HDAC9: variants seen among roughly 807,000 people sequenced by gnomAD.
HDAC9 encodes histone deacetylase 9, also known as MEF-2 interacting transcription repressor (MITR) protein.
Under a neutral mutation model 139.4 loss-of-function variants are expected in HDAC9, and 41 were observed. That is an observed-to-expected ratio of 0.29 (90% CI 0.23 to 0.38). The LOEUF (loss-of-function observed/expected upper bound fraction) is 0.38. Ranked by LOEUF, HDAC9 falls within the 10% of genes least tolerant of loss-of-function variation. The pLI, the probability that HDAC9 is intolerant of heterozygous loss-of-function variation, is 1.00. For missense variants in HDAC9, 1,147 were observed against 1,297.0 expected (o/e 0.88, Z 1.78); for synonymous variants, 517 against 476.2 (o/e 1.09, Z -1.12).
At chr7:18,383,918 T>C (rs1167780923) in intron 1 of HDAC9, among the ~76,000 whole-genome samples, 1 of 151,022 alleles carries the variant, frequency 6.6e-6, no homozygotes, top group African/African-American at 2.4e-5. Flanking sequence ...AAGAAAGAAC[T>C]GATGAAATTA....
chr7:18,667,406 G>A, intron 12 of HDAC9: 1 of 983,282 alleles, frequency 1.0e-6, no homozygotes, highest in Non-Finnish European at 1.2e-6. Flanking sequence ...AATCTCTTAA[G>A]TATAATTCCA....
chr7:18,910,059 C>T (rs894217403), intron 22 of HDAC9, among the ~76,000 whole-genome samples: 4 of 151,688 alleles, frequency 2.6e-5, no homozygotes, highest in African/African-American at 7.3e-5. Flanking sequence ...TGTTGAAGTC[C>T]CCAACTATTG....
rs35338088 is a variant in HDAC9 at position 18,743,606 on chromosome 7, CA to C, written c.1910-5384del. The stretch of plus-strand genomic sequence containing the variant: ...TGGGCAACAGAGTGAGACTGCGTCT[CA>C]AAAAAAAAAAAAAATTGCAGATAGT... On this transcript the variant is annotated intron_variant, in intron 13 of 25. Transcript: ENST00000686413. Among the ~76,000 whole-genome samples, 394 of 117,154 alleles carry C rather than the reference CA, an allele frequency of 3.4e-3. 2 individuals are homozygous for C. The highest frequency in any genetic ancestry group is 7.4e-3 in the African/African-American group (218 of 29,330). 76.9% of individuals were successfully genotyped at this position (117,154 alleles called of 152,430 possible). A position where few individuals can be genotyped will look rare whatever the true frequency, so the allele number is the denominator to read the frequency against.
At chr7:18,678,812 T>C (rs1486438188) in intron 12 of HDAC9, among the ~76,000 whole-genome samples, 1 of 151,982 alleles carries the variant, frequency 6.6e-6, no homozygotes, top group African/African-American at 2.4e-5. Context: ...CTAGTAAATT[T>C]CCATTCAATG....
At chr7:18,645,983 G>A (rs1787262586) in intron 9 of HDAC9, among the ~76,000 whole-genome samples, 2 of 152,018 alleles carry the variant, frequency 1.3e-5, no homozygotes, top group African/African-American at 4.8e-5. Flanking sequence ...TATATCTGGG[G>A]ATTATAAAAG....
intron 1 of HDAC9, among the ~76,000 whole-genome samples, chr7:18,370,688 A>G (rs769093681): frequency 3.3e-5 from 5 of 152,160 alleles, no homozygotes; most frequent in Non-Finnish European, 7.4e-5. Context: ...TGCTAGCAAT[A>G]TACTGGATTC....
chr7:18,643,772 G>T (rs1331654858), intron 8 of HDAC9, among the ~76,000 whole-genome samples: 1 of 151,986 alleles, frequency 6.6e-6, no homozygotes, highest in Non-Finnish European at 1.5e-5. Flanking sequence ...CTTTTTGTTT[G>T]GGAAGAAAGC....
intron 12 of HDAC9, among the ~76,000 whole-genome samples, chr7:18,679,016 C>T (rs1781708863): frequency 6.6e-6 from 1 of 151,832 alleles, no homozygotes; most frequent in Non-Finnish European, 1.5e-5. Context: ...TCAATCTTAG[C>T]CTAGGACCCT....
intron 12 of HDAC9, among the ~76,000 whole-genome samples, chr7:18,693,159 TA>T (rs1782792623): frequency 6.6e-6 from 1 of 152,024 alleles, no homozygotes; most frequent in Admixed American, 6.6e-5. Flanking sequence ...TAGATATTAT[TA>T]AAGTCCTGGG....
chr7:18,201,445 A>G (rs1191652776), intron 2 of HDAC9, among the ~76,000 whole-genome samples: 7 of 152,222 alleles, frequency 4.6e-5, no homozygotes, highest in African/African-American at 1.7e-4. Flanking sequence ...GGTGGAAGCC[A>G]GCTTCTTATG....
intron 2 of HDAC9, among the ~76,000 whole-genome samples, chr7:18,215,687 C>A (rs1227259206): frequency 2.6e-5 from 4 of 152,080 alleles, no homozygotes; most frequent in African/African-American, 9.7e-5. Context: ...AATAGTGGGG[C>A]TTTTGAAGGT....
Position 18,868,262 on chromosome 7 carries a change from G to C in HDAC9, c.2685-6216G>C, listed in dbSNP as rs544982929. 3.3e-5 allele frequency among the ~76,000 whole-genome samples: 5 copies of C among 152,274 alleles called. No individual in the cohort carries two copies. In the South Asian group the frequency reaches 1.0e-3, roughly 32 times the overall value. On this transcript the variant is annotated intron_variant, in intron 21 of 25. Coordinates refer to ENST00000686413, the MANE Select transcript of HDAC9 (RefSeq NM_178425.4). The stretch of plus-strand genomic sequence containing the variant: ...GTGTGGACTGTCAAACCCCACTTTA[G>C]TGTTAGCATTCTAGAAGATAGCAGC...
intron 2 of HDAC9, among the ~76,000 whole-genome samples, chr7:18,275,694 A>G (rs913257122): frequency 3.3e-5 from 5 of 152,108 alleles, no homozygotes; most frequent in Non-Finnish European, 7.4e-5. Flanking sequence ...TGCATGGTCA[A>G]GTACCTTTAT....
chr7:18,835,088 A>G (rs1429878517), intron 19 of HDAC9, among the ~76,000 whole-genome samples: 1 of 152,204 alleles, frequency 6.6e-6, no homozygotes, highest in African/African-American at 2.4e-5. Context: ...AAATTCCTCC[A>G]TAAAACAGGA....
chr7:18,130,837 G>T (rs776727304), intron 1 of HDAC9, among the ~76,000 whole-genome samples: 3 of 151,992 alleles, frequency 2.0e-5, no homozygotes, highest in Non-Finnish European at 2.9e-5. Context: ...CCGCAGTTAT[G>T]GACTTTTTTT....
intron 1 of HDAC9, among the ~76,000 whole-genome samples, chr7:18,441,467 A>G (rs1791752393): frequency 6.6e-6 from 1 of 152,236 alleles, no homozygotes; most frequent in Admixed American, 6.5e-5. Flanking sequence ...ATACACACAT[A>G]TAAGCACATT....
chr7:18,807,447 A>G (rs900938662), intron 17 of HDAC9, among the ~76,000 whole-genome samples: 1 of 151,848 alleles, frequency 6.6e-6, no homozygotes, highest in African/African-American at 2.4e-5. Flanking sequence ...TTTCTGCTGT[A>G]ATCTTTATTA....
intron 1 of HDAC9, among the ~76,000 whole-genome samples, chr7:18,119,844 C>G (rs1223138978): frequency 6.6e-6 from 1 of 152,164 alleles, no homozygotes; most frequent in Non-Finnish European, 1.5e-5. Context: ...TACATCCTTT[C>G]AACTTCTCTC....
intron 2 of HDAC9, among the ~76,000 whole-genome samples, chr7:18,173,109 G>A (rs891017762): frequency 1.3e-5 from 2 of 152,104 alleles, no homozygotes; most frequent in Middle Eastern, 3.2e-3. Context: ...GGTCTCTAAG[G>A]ACTTGCTTTA....
Sources: gnomAD v4.1 joint callset for allele counts (sites outside exome capture counted in the v4.1 genomes callset) on GRCh38, gnomAD v4.1.1 for gene constraint, MANE v1.5 for transcripts, NCBI Gene and HGNC (gene_info 2026-07-23, HGNC 2026-07-21) for gene names.